NARS2: variants seen among roughly 807,000 people sequenced by gnomAD.
NARS2 encodes the protein asparaginyl-tRNA synthetase 2, mitochondrial, also known as asparaginyl-tRNA synthetase.
Under a neutral mutation model 62.9 loss-of-function variants are expected in NARS2, and 60 were observed. The observed-to-expected ratio is 0.95, with a 90% CI of 0.77 to 1.18. NARS2 has a LOEUF of 1.18. NARS2 is among the 50% of genes most tolerant of loss of function. NARS2 has a pLI of 0.00. For missense variants in NARS2, 619 were observed against 576.4 expected (o/e 1.07, Z -0.76); for synonymous variants, 196 against 200.0 (o/e 0.98, Z 0.17).
intron 10 of NARS2, among the ~76,000 whole-genome samples, chr11:78,466,784 ACTT>A (rs1858642287): frequency 6.6e-6 from 1 of 152,296 alleles, no homozygotes; most frequent in Middle Eastern, 3.4e-3. Flanking sequence ...ATGGCCGGTG[ACTT>A]CTTTTTAAAT....
intron 5 of NARS2, chr11:78,546,599 CAATT>C (rs1197183862): frequency 2.6e-5 from 4 of 152,184 alleles, no homozygotes; most frequent in Non-Finnish European, 5.9e-5. Context: ...GTCATGTAGT[CAATT>C]AATATTAATT....
intron 6 of NARS2, among the ~76,000 whole-genome samples, chr11:78,510,510 C>T (rs943884125): frequency 2.3e-4 from 35 of 151,982 alleles, no homozygotes; most frequent in African/African-American, 8.0e-4. Flanking sequence ...AACAGTTTTA[C>T]AATACTATTG....
Position 78,439,329 on chromosome 11 carries a change from G to A in NARS2, c.1289+1762C>T, listed in dbSNP as rs571731023. On this transcript the variant is annotated intron_variant, in intron 13 of 13. Coordinates refer to ENST00000281038, the MANE Select transcript of NARS2 (RefSeq NM_024678.6). Reference sequence around the variant, plus strand: ...GCTGGGATTACAGCCGTGAGCCACCGCACCCACGGTGGCTTTGGCTTTTTT... The same window carrying A: ...GCTGGGATTACAGCCGTGAGCCACCACACCCACGGTGGCTTTGGCTTTTTT... Among the ~76,000 whole-genome samples the A allele has an allele frequency of 2.9e-3, 443 of 152,160 alleles. 2 individuals carry two copies. The highest frequency in any genetic ancestry group is 6.8e-3 in the Middle Eastern group (2 of 294).
chr11:78,451,325 G>A (rs1486982582), intron 11 of NARS2, among the ~76,000 whole-genome samples: 3 of 152,142 alleles, frequency 2.0e-5, no homozygotes, highest in Non-Finnish European at 4.4e-5. Context: ...ATCTCCCCCT[G>A]ATAACAACTG....
intron 5 of NARS2, among the ~76,000 whole-genome samples, chr11:78,554,531 C>G (rs973749184): frequency 9.9e-4 from 26 of 26,154 alleles, no homozygotes; most frequent in African/African-American, 2.5e-3. Context: ...GTGTGTGTGT[C>G]AACTGTGAAT....
At chr11:78,527,776 C>T (rs901472830) in intron 6 of NARS2, among the ~76,000 whole-genome samples, 1 of 151,982 alleles carries the variant, frequency 6.6e-6, no homozygotes, top group Non-Finnish European at 1.5e-5. Context: ...GAAAAAGATA[C>T]ATAAAGAAAA....
intron 4 of NARS2, among the ~76,000 whole-genome samples, chr11:78,564,307 T>C (rs1480760595): frequency 2.0e-5 from 3 of 152,170 alleles, no homozygotes; most frequent in African/African-American, 7.2e-5. Context: ...GTGATCCTCC[T>C]GCCTCAGCTT....
intron 6 of NARS2, among the ~76,000 whole-genome samples, chr11:78,496,584 T>C (rs1430043338): frequency 3.3e-5 from 5 of 152,102 alleles, no homozygotes; most frequent in Non-Finnish European, 5.9e-5. Context: ...AAAACAACAC[T>C]GCAAACTCAG....
chr11:78,463,736 A>C lies in NARS2; in HGVS notation c.1164+2140T>G, dbSNP rs1162755379. ...GTCAAAAAAAAAAAAAAAAAAAAAA[A>C]ACCACAGGACAAGAAACGGTAAAGG... On this transcript the variant is annotated intron_variant, in intron 11 of 13. Transcript: ENST00000281038. Among the ~76,000 whole-genome samples the C allele has an allele frequency of 1.4e-3, 210 of 150,234 alleles. 1 individual carries two copies. The highest frequency in any genetic ancestry group is 4.8e-3 in the African/African-American group (196 of 40,588).
At chr11:78,567,070 T>C (rs1263339816) in intron 3 of NARS2, among the ~76,000 whole-genome samples, 1 of 152,160 alleles carries the variant, frequency 6.6e-6, no homozygotes, top group East Asian at 1.9e-4. Flanking sequence ...GGGGTCAGAA[T>C]TCCCTAATGT....
At chr11:78,494,764 C>A (rs1370537545) in intron 6 of NARS2, among the ~76,000 whole-genome samples, 1 of 152,128 alleles carries the variant, frequency 6.6e-6, no homozygotes. Flanking sequence ...TTGAAAAAGA[C>A]TAAACCTACC....
intron 6 of NARS2, among the ~76,000 whole-genome samples, chr11:78,521,217 T>C (rs1374395213): frequency 6.6e-6 from 1 of 150,746 alleles, no homozygotes; most frequent in African/African-American, 2.4e-5. Context: ...CAGGCTGGAG[T>C]GTAGTGTTGT....
At chr11:78,472,754 C>T (rs922829407) in intron 9 of NARS2, among the ~76,000 whole-genome samples, 1 of 152,150 alleles carries the variant, frequency 6.6e-6, no homozygotes, top group African/African-American at 2.4e-5. Context: ...TTTCTCTTTA[C>T]TGTTTTTAGG....
At chr11:78,453,749 A>T (rs1479821055) in intron 11 of NARS2, among the ~76,000 whole-genome samples, 3 of 152,216 alleles carry the variant, frequency 2.0e-5, no homozygotes, top group African/African-American at 7.2e-5. Flanking sequence ...TGAAATACAC[A>T]GTATTTTGGC....
chr11:78,441,667 T>C (rs1458301935), intron 12 of NARS2, among the ~76,000 whole-genome samples: 2 of 150,246 alleles, frequency 1.3e-5, no homozygotes, highest in African/African-American at 4.9e-5. Context: ...ACCAAGATCA[T>C]GCCACTGCAC....
At chr11:78,495,754 C>T (rs760777119) in intron 6 of NARS2, among the ~76,000 whole-genome samples, 1 of 152,180 alleles carries the variant, frequency 6.6e-6, no homozygotes, top group Non-Finnish European at 1.5e-5. Flanking sequence ...CCAGGTCTGG[C>T]CCAAACAATA....
Position 78,465,878 on chromosome 11 carries a change from T to C in NARS2, c.1162A>G (p.Thr388Ala). The change falls in exon 11 of 14, where the codon ACG becomes GCG. Residue 388 changes from threonine (T) to alanine (A), a missense_variant and splice_region_variant. Coordinates refer to ENST00000281038, the MANE Select transcript of NARS2 (RefSeq NM_024678.6). ...ATTTATTTAGTATCTCTTCTTACCGTGTGCTGAGGGCCATCTTCATTATCC... is the reference window on the plus strand; with the variant it reads ...ATTTATTTAGTATCTCTTCTTACCGCGTGCTGAGGGCCATCTTCATTATCC... Reference protein sequence around the residue: ...MRDNEDGPQHTVAAVDLLVPG... With the variant: ...MRDNEDGPQHAVAAVDLLVPG... 5 of 1,614,148 alleles carry C rather than the reference T, an allele frequency of 3.1e-6. No individual in the cohort carries two copies. The highest frequency in any genetic ancestry group is 4.2e-6 in the Non-Finnish European group (5 of 1,179,996).
At chr11:78,553,355 T>G (rs1168006924) in intron 5 of NARS2, among the ~76,000 whole-genome samples, 2 of 152,060 alleles carry the variant, frequency 1.3e-5, no homozygotes, top group Non-Finnish European at 2.9e-5. Context: ...GTGGCATGAT[T>G]TCAGCTCACT....
At chr11:78,550,560 A>G (rs1856060373) in intron 5 of NARS2, among the ~76,000 whole-genome samples, 1 of 152,232 alleles carries the variant, frequency 6.6e-6, no homozygotes, top group South Asian at 2.1e-4. Flanking sequence ...AGCCACAATA[A>G]TATGCCACTT....
Sources: gnomAD v4.1 joint callset for allele counts (sites outside exome capture counted in the v4.1 genomes callset) on GRCh38, gnomAD v4.1.1 for gene constraint, MANE v1.5 for transcripts, NCBI Gene and HGNC (gene_info 2026-07-23, HGNC 2026-07-21) for gene names.